CTNND2: variants seen among roughly 807,000 people sequenced by gnomAD.
The protein encoded by CTNND2 is catenin delta 2, also known as catenin delta-2.
In CTNND2, 22 loss-of-function variants were observed where a neutral mutation model predicts 144.4. The observed-to-expected ratio is 0.15, with a 90% CI of 0.11 to 0.22. The LOEUF (loss-of-function observed/expected upper bound fraction) is 0.22, where lower values mean the gene tolerates loss of function less well. Among genes scored for constraint, CTNND2 ranks in the 10% least tolerant of loss-of-function variants. The pLI is 1.00. For synonymous variants in CTNND2, 751 were observed against 695.6 expected, an observed-to-expected ratio of 1.08 and a Z score of -1.25; for missense variants, 1,353 against 1,618.8, an observed-to-expected ratio of 0.84 and a Z score of 2.82.
Position 10,973,468 on chromosome 5 carries a change from G to C in CTNND2, c.3663C>G (p.Pro1221=). ...NYETSHYPAS[P]DSWV ...GCCCTGCTCCTCACACCCAGGAGTCGGGGGAGGCCGGGTAGTGGCTCGTTT... is the reference window on the plus strand; with the variant it reads ...GCCCTGCTCCTCACACCCAGGAGTCCGGGGAGGCCGGGTAGTGGCTCGTTT... Residue 1221 remains proline (P), a synonymous_variant, in exon 22 of 22, where the codon CCC becomes CCG. Transcript: ENST00000304623. This position sits in a 1 kb window ranked among gnomAD's most constrained non-coding sequence, Gnocchi z 5.6. 1 of 1,596,320 alleles carries C rather than the reference G, an allele frequency of 6.3e-7. No individual in the cohort carries two copies. Among genetic ancestry groups the C allele is most frequent in the Non-Finnish European group, 8.6e-7 (1 of 1,168,712 alleles).
chr5:11,829,190 T>G (rs1015504189), intron 1 of CTNND2, among the ~76,000 whole-genome samples: 2 of 152,176 alleles, frequency 1.3e-5, no homozygotes, highest in African/African-American at 4.8e-5. Context: ...TTGAAAAACA[T>G]GCAGCCTGAC....
chr5:11,705,443 T>C (rs1392547180), intron 2 of CTNND2, among the ~76,000 whole-genome samples: 1 of 152,180 alleles, frequency 6.6e-6, no homozygotes, highest in African/African-American at 2.4e-5. Context: ...CAAAACAGTA[T>C]ATATAGCCAG....
At chr5:11,661,075 G>A (rs1783178352) in intron 2 of CTNND2, among the ~76,000 whole-genome samples, 1 of 152,016 alleles carries the variant, frequency 6.6e-6, no homozygotes, top group Admixed American at 6.6e-5. Context: ...TCCATTTTTG[G>A]TAGCCACAGT....
chr5:11,729,653 C>T (rs1314760729), intron 2 of CTNND2, among the ~76,000 whole-genome samples: 3 of 152,156 alleles, frequency 2.0e-5, no homozygotes, highest in African/African-American at 4.8e-5. Flanking sequence ...TTTCGACACA[C>T]ATAAAATCTT....
chr5:11,042,434 T>G (rs1406959916), intron 16 of CTNND2, among the ~76,000 whole-genome samples: 2 of 152,368 alleles, frequency 1.3e-5, no homozygotes, highest in East Asian at 3.9e-4. Context: ...ACTAGAGAGA[T>G]ATGTGGCATT....
intron 9 of CTNND2, among the ~76,000 whole-genome samples, chr5:11,343,566 G>A (rs1580964594): frequency 6.6e-6 from 1 of 151,338 alleles, no homozygotes; most frequent in South Asian, 2.1e-4. Flanking sequence ...TTTCTTTTTT[G>A]TAAAGAAATA....
At chr5:11,856,145 T>C (rs1795240471) in intron 1 of CTNND2, among the ~76,000 whole-genome samples, 1 of 152,138 alleles carries the variant, frequency 6.6e-6, no homozygotes, top group African/African-American at 2.4e-5. Context: ...ACATGGACCT[T>C]GCCCCCTGGG....
At chr5:11,311,779 T>TCACA (rs113111244) in intron 9 of CTNND2, among the ~76,000 whole-genome samples, 11 of 105,530 alleles carry the variant, frequency 1.0e-4, no homozygotes, top group African/African-American at 1.6e-4. Context: ...CACCCTCACC[T>TCACA]CACACACACA....
chr5:11,578,774 T>C (rs1363501685), intron 2 of CTNND2, among the ~76,000 whole-genome samples: 2 of 152,162 alleles, frequency 1.3e-5, no homozygotes, highest in African/African-American at 4.8e-5. Context: ...AATAAATCAG[T>C]ATCACTCAGT....
chr5:11,208,444 C>T (rs1414355724), intron 10 of CTNND2, among the ~76,000 whole-genome samples: 1 of 151,956 alleles, frequency 6.6e-6, no homozygotes, highest in Non-Finnish European at 1.5e-5. Context: ...CACCAATATA[C>T]AGAACAATAT....
Position 10,976,404 on chromosome 5 carries a change from T to C in CTNND2, c.3418-2691A>G, listed in dbSNP as rs1736488130. Among the ~76,000 whole-genome samples, 4 of 152,174 alleles carry C rather than the reference T, an allele frequency of 2.6e-5. No individual in the cohort carries two copies. In the South Asian group the frequency reaches 8.3e-4, roughly 32 times the overall value. On this transcript the variant is annotated intron_variant, in intron 21 of 21. Coordinates refer to ENST00000304623, the MANE Select transcript of CTNND2 (RefSeq NM_001332.4). Reference sequence around the variant, plus strand: ...AATTGCACAGTTTGCATCAGCCAGATTTGGATGAGGGATGTAGAATGATGC... The same window carrying C: ...AATTGCACAGTTTGCATCAGCCAGACTTGGATGAGGGATGTAGAATGATGC...
intron 16 of CTNND2, among the ~76,000 whole-genome samples, chr5:11,025,382 T>C (rs1267095952): frequency 6.6e-6 from 1 of 152,214 alleles, no homozygotes; most frequent in Non-Finnish European, 1.5e-5. Context: ...TTTTTAGCTC[T>C]TTCTAGTGTT....
At chr5:11,358,528 T>C (rs767474672) in intron 8 of CTNND2, among the ~76,000 whole-genome samples, 3 of 152,218 alleles carry the variant, frequency 2.0e-5, no homozygotes, top group Non-Finnish European at 4.4e-5. Context: ...AGCACTTGAT[T>C]TAAAAATTTT....
intron 7 of CTNND2, among the ~76,000 whole-genome samples, chr5:11,368,860 G>A (rs1757209709): frequency 6.6e-6 from 1 of 152,088 alleles, no homozygotes. Flanking sequence ...AATATAAATG[G>A]TATTGTTGGA....
At chr5:11,037,560 A>G (rs187480287) in intron 16 of CTNND2, among the ~76,000 whole-genome samples, 1 of 152,336 alleles carries the variant, frequency 6.6e-6, no homozygotes, top group African/African-American at 2.4e-5. Context: ...GAGAAAGTGG[A>G]GTGCCTACTA....
chr5:11,316,897 A>G (rs1314690943), intron 9 of CTNND2, among the ~76,000 whole-genome samples: 2 of 152,124 alleles, frequency 1.3e-5, no homozygotes, highest in African/African-American at 4.8e-5. Flanking sequence ...TCGTTGTTGG[A>G]CATTTGGGTT....
At chr5:10,991,130 A>G (rs888925675) in intron 19 of CTNND2, among the ~76,000 whole-genome samples, 3 of 152,214 alleles carry the variant, frequency 2.0e-5, no homozygotes, top group African/African-American at 7.2e-5. Flanking sequence ...ACTAAATGTG[A>G]TAAGCAATGA....
intron 16 of CTNND2, among the ~76,000 whole-genome samples, chr5:11,075,718 C>A (rs376453917): frequency 6.6e-6 from 1 of 152,264 alleles, no homozygotes. Flanking sequence ...CAACAGGAAC[C>A]TTTGGCAGTG....
At chr5:11,095,481 T>C (rs1751240337) in intron 15 of CTNND2, among the ~76,000 whole-genome samples, 1 of 152,216 alleles carries the variant, frequency 6.6e-6, no homozygotes, top group Admixed American at 6.5e-5. Flanking sequence ...CATTAATAAA[T>C]AGAAAACACT....
Sources: allele counts gnomAD v4.1 joint callset (sites outside exome capture counted in the v4.1 genomes callset), GRCh38; gene constraint gnomAD v4.1.1; non-coding constraint Gnocchi (gnomAD v3.1); transcripts MANE v1.5; gene names NCBI Gene and HGNC (gene_info 2026-07-23, HGNC 2026-07-21).